Variants in STAC observed in about 807,000 individuals in gnomAD.
STAC encodes SH3 and cysteine rich domain, also known as SH3 and cysteine-rich domain-containing protein.
Under a neutral mutation model 48.8 loss-of-function variants are expected in STAC, and 43 were observed. That is an observed-to-expected ratio of 0.88 (90% confidence interval 0.69 to 1.14). STAC has a LOEUF of 1.14. Among genes scored for constraint, STAC ranks in the 50% most tolerant of loss-of-function variants. STAC has a pLI of 0.00. For missense variants in STAC, 497 were observed against 504.0 expected (o/e 0.99, Z 0.13); for synonymous variants, 193 against 179.5 (o/e 1.07, Z -0.60).
intron 1 of STAC, among the ~76,000 whole-genome samples, chr3:36,419,830 C>G (rs769502463): frequency 6.6e-6 from 1 of 152,126 alleles, no homozygotes; most frequent in African/African-American, 2.4e-5. Context: ...GGGGAAGGCC[C>G]GAGACACCAT....
intron 1 of STAC, among the ~76,000 whole-genome samples, chr3:36,402,215 T>A (rs1700011086): frequency 2.0e-5 from 3 of 152,000 alleles, no homozygotes; most frequent in African/African-American, 7.3e-5. Context: ...GAGTGAATAA[T>A]GTAATGAATA....
chr3:36,492,300 C>T (rs1021287991), intron 5 of STAC, among the ~76,000 whole-genome samples: 4 of 151,806 alleles, frequency 2.6e-5, no homozygotes, highest in Non-Finnish European at 5.9e-5. Flanking sequence ...AGACTCTCAC[C>T]AGCCCACAAA....
chr3:36,389,527 T>C (rs757797476), intron 1 of STAC, among the ~76,000 whole-genome samples: 5 of 152,192 alleles, frequency 3.3e-5, no homozygotes, highest in Non-Finnish European at 4.4e-5. Flanking sequence ...ATTAAGAACA[T>C]AGCACACAGT....
chr3:36,494,084 G>A (rs1013620226), intron 6 of STAC, among the ~76,000 whole-genome samples: 13 of 149,214 alleles, frequency 8.7e-5, no homozygotes, highest in Non-Finnish European at 1.9e-4. Flanking sequence ...CCCTGGAGGC[G>A]GAGCTTGCAG....
intron 2 of STAC, among the ~76,000 whole-genome samples, chr3:36,458,477 G>A (rs548663760): frequency 6.6e-6 from 1 of 152,306 alleles, no homozygotes; most frequent in South Asian, 2.1e-4. Context: ...GCATTTGTAA[G>A]CCCTGGTTCG....
intron 2 of STAC, among the ~76,000 whole-genome samples, chr3:36,465,132 A>T (rs570635533): frequency 3.3e-4 from 50 of 152,148 alleles, no homozygotes; most frequent in African/African-American, 1.2e-3. Flanking sequence ...TCTATTTTTT[A>T]AATGTTTTTA....
intron 2 of STAC, among the ~76,000 whole-genome samples, chr3:36,444,657 C>T (rs916077846): frequency 2.0e-5 from 3 of 152,220 alleles, no homozygotes; most frequent in Non-Finnish European, 4.4e-5. Context: ...AACCCCCTAG[C>T]CCCCACCTGC....
At chr3:36,470,275 TCTC>T (rs1323432268) in intron 2 of STAC, among the ~76,000 whole-genome samples, 1 of 152,212 alleles carries the variant, frequency 6.6e-6, no homozygotes, top group Non-Finnish European at 1.5e-5. Flanking sequence ...GATGTGGTAT[TCTC>T]CTGTTTCCCC....
At chr3:36,474,617 C>T (rs545355155) in intron 2 of STAC, among the ~76,000 whole-genome samples, 79 of 152,222 alleles carry the variant, frequency 5.2e-4, no homozygotes, top group African/African-American at 1.2e-3. Flanking sequence ...GGCCTTCATA[C>T]ACAACCTATA....
At chr3:36,541,843 T>C (rs1417409106) in intron 10 of STAC, among the ~76,000 whole-genome samples, 3 of 152,160 alleles carry the variant, frequency 2.0e-5, no homozygotes, top group African/African-American at 4.8e-5. Flanking sequence ...CTGCTCTGCA[T>C]ATGCTGCACT....
intron 2 of STAC, among the ~76,000 whole-genome samples, chr3:36,479,301 A>G (rs73827537): frequency 0.031 from 4,702 of 152,026 alleles, 214 homozygotes; most frequent in African/African-American, 0.11. Context: ...CTGAAATTTC[A>G]TCTTCTTCTA....
At chr3:36,412,219 G>A (rs898307088) in intron 1 of STAC, among the ~76,000 whole-genome samples, 3 of 152,150 alleles carry the variant, frequency 2.0e-5, no homozygotes, top group Non-Finnish European at 4.4e-5. Context: ...CATTGAAATG[G>A]CAGGAGGGCT....
At chr3:36,423,713 CATT>C (rs966127483) in intron 1 of STAC, among the ~76,000 whole-genome samples, 11 of 152,040 alleles carry the variant, frequency 7.2e-5, no homozygotes, top group African/African-American at 2.4e-4. Context: ...ATGTGTGTAT[CATT>C]ATTAATATTA....
chr3:36,423,054 C>T (rs73061903), intron 1 of STAC, among the ~76,000 whole-genome samples: 3,533 of 152,158 alleles, frequency 0.023, 59 homozygotes, highest in East Asian at 0.026. Flanking sequence ...TTTTGGTTAT[C>T]TGAAGACCCA....
intron 5 of STAC, among the ~76,000 whole-genome samples, chr3:36,487,714 C>T (rs1697852681): frequency 1.3e-5 from 2 of 152,132 alleles, no homozygotes; most frequent in Admixed American, 1.3e-4. Context: ...ACGTAACATA[C>T]ACGTGTTAAG....
At position 36,443,775 on chromosome 3, in the gene STAC, T is replaced by A; in HGVS notation, c.388+135T>A. ...TACATGTGGGAAGATCATTCAGGAGTGCTTTGGGGAACAATATTTGTGAGA... is the reference window on the plus strand; with the variant it reads ...TACATGTGGGAAGATCATTCAGGAGAGCTTTGGGGAACAATATTTGTGAGA... On this transcript the variant is annotated intron_variant, in intron 2 of 10. Transcript: ENST00000273183. The surrounding 1 kb of genome is among the most constrained non-coding windows in gnomAD (Gnocchi z 4.2). 8.4e-7 allele frequency: 1 copy of A among 1,184,952 alleles called. No homozygotes were observed. Among genetic ancestry groups the A allele is most frequent in the Admixed American group, 2.4e-5 (1 of 42,030 alleles). 73.4% of individuals were successfully genotyped at this position (1,184,952 alleles called of 1,614,324 possible).
chr3:36,387,281 G>C (rs1232580664), intron 1 of STAC, among the ~76,000 whole-genome samples: 1 of 151,900 alleles, frequency 6.6e-6, no homozygotes, highest in Non-Finnish European at 1.5e-5. Context: ...ACTCCACGTA[G>C]ACATCAAAAC....
intron 2 of STAC, among the ~76,000 whole-genome samples, chr3:36,481,029 G>C (rs1209234156): frequency 6.6e-6 from 1 of 152,176 alleles, no homozygotes; most frequent in Non-Finnish European, 1.5e-5. Flanking sequence ...GGATAATTTA[G>C]ACAGGGGTGG....
At chr3:36,470,595 T>C (rs1697302977) in intron 2 of STAC, among the ~76,000 whole-genome samples, 1 of 152,212 alleles carries the variant, frequency 6.6e-6, no homozygotes, top group Non-Finnish European at 1.5e-5. Flanking sequence ...CAGTTTTTCA[T>C]GTGTCAGGGA....
Sources: gnomAD v4.1 joint callset for allele counts (sites outside exome capture counted in the v4.1 genomes callset) on GRCh38, gnomAD v4.1.1 for gene constraint, Gnocchi (gnomAD v3.1) non-coding constraint, MANE v1.5 for transcripts, NCBI Gene and HGNC (gene_info 2026-07-23, HGNC 2026-07-21) for gene names.